Variants in LINGO2 observed in about 807,000 individuals in gnomAD.
The protein encoded by LINGO2 is leucine-rich repeat and immunoglobulin-like domain-containing nogo receptor-interacting protein 2.
In LINGO2, 14 loss-of-function variants were observed where a neutral mutation model predicts 30.6. That is an observed-to-expected ratio of 0.46 (90% confidence interval 0.30 to 0.72). The LOEUF (loss-of-function observed/expected upper bound fraction) is 0.72. Ranked by LOEUF, LINGO2 falls within the 30% of genes least tolerant of loss-of-function variation. The pLI, the probability that LINGO2 is intolerant of heterozygous loss-of-function variation, is 0.07. For synonymous variants in LINGO2, 317 were observed against 288.5 expected (o/e 1.10, Z -1.00); for missense variants, 729 against 751.7 (o/e 0.97, Z 0.35).
chr9:29,131,994 C>T, the LINGO2 span, among the ~76,000 whole-genome samples: 36,737 of 151,042 alleles, frequency 0.24, 4,654 homozygotes, highest in East Asian at 0.44. Context: ...CCATCAAGCT[C>T]CAGATGATCA....
chr9:28,815,554 C>T, the LINGO2 span, among the ~76,000 whole-genome samples: 8 of 152,104 alleles, frequency 5.3e-5, no homozygotes, highest in East Asian at 9.7e-4. Context: ...CTCACCAAGG[C>T]TAACACTCAC....
the LINGO2 span, among the ~76,000 whole-genome samples, chr9:29,029,786 G>A: frequency 1.3e-5 from 2 of 151,884 alleles, no homozygotes; most frequent in African/African-American, 2.4e-5. Flanking sequence ...CTCTCTTTTC[G>A]AGCAAGTTTC....
intron 4 of LINGO2, among the ~76,000 whole-genome samples, chr9:28,186,440 T>G (rs1356900064): frequency 3.9e-5 from 6 of 152,166 alleles, no homozygotes. Flanking sequence ...GCCAGAGGAT[T>G]CAGCAGTGAA....
chr9:29,171,423 C>T, the LINGO2 span, among the ~76,000 whole-genome samples: 18 of 152,030 alleles, frequency 1.2e-4, no homozygotes, highest in South Asian at 6.2e-4. Flanking sequence ...AGAAACTTCC[C>T]GTATAGCCAC....
At chr9:28,810,363 G>A in the LINGO2 span, among the ~76,000 whole-genome samples, 3 of 152,126 alleles carry the variant, frequency 2.0e-5, no homozygotes, top group Admixed American at 2.0e-4. Context: ...TTTTTAAAAT[G>A]ATGAAGTATC....
At chr9:28,802,336 G>A in the LINGO2 span, among the ~76,000 whole-genome samples, 1 of 151,918 alleles carries the variant, frequency 6.6e-6, no homozygotes, top group East Asian at 1.9e-4. Flanking sequence ...AAAAGTTAGG[G>A]ATAGATTTTT....
At chr9:29,123,987 A>T in the LINGO2 span, among the ~76,000 whole-genome samples, 2 of 152,182 alleles carry the variant, frequency 1.3e-5, no homozygotes, top group Non-Finnish European at 2.9e-5. Flanking sequence ...AGCTGGAGGC[A>T]TCATTCTACC....
intron 3 of LINGO2, among the ~76,000 whole-genome samples, chr9:28,327,012 G>A (rs1225693383): frequency 6.6e-6 from 1 of 152,106 alleles, no homozygotes; most frequent in Non-Finnish European, 1.5e-5. Context: ...CTTCAATGTG[G>A]TGGCATTAAG....
the LINGO2 span, among the ~76,000 whole-genome samples, chr9:28,960,921 A>C: frequency 6.6e-6 from 1 of 152,146 alleles, no homozygotes; most frequent in African/African-American, 2.4e-5. Flanking sequence ...ATATTGAATT[A>C]TTTAATATTC....
In LINGO2 at chr9:27,949,747, G is replaced by T. The variant is rs533601561; in HGVS notation, c.925C>A (p.Leu309Ile). The change falls in exon 6 of 6, where the codon CTT becomes ATT. Residue 309 changes from leucine to isoleucine, a missense_variant. Leu to Ile is a conservative substitution (Grantham distance 5). Transcript: ENST00000379992. ...AAGGAGTGAGGCTCAATGGTGCGAAGCTGGGCCCCCACTATATGAAGCTCC... is the reference window on the plus strand; with the variant it reads ...AAGGAGTGAGGCTCAATGGTGCGAATCTGGGCCCCCACTATATGAAGCTCC... 5 of 1,614,058 alleles carry T rather than the reference G, an allele frequency of 3.1e-6. No individual in the cohort carries two copies. The Admixed American group carries it at 6.7e-5, about 22-fold the overall frequency.
At chr9:28,297,215 A>C (rs1587412587) in intron 3 of LINGO2, among the ~76,000 whole-genome samples, 1 of 152,334 alleles carries the variant, frequency 6.6e-6, no homozygotes, top group East Asian at 1.9e-4. Context: ...AGTGAAAATA[A>C]GTCAGTATAA....
the LINGO2 span, among the ~76,000 whole-genome samples, chr9:29,143,998 T>C: frequency 6.6e-6 from 1 of 152,196 alleles, no homozygotes; most frequent in East Asian, 1.9e-4. Context: ...GCTATCCAGT[T>C]ATCCCAGCAC....
At chr9:28,518,624 C>G (rs893698187) in intron 1 of LINGO2, among the ~76,000 whole-genome samples, 1 of 152,194 alleles carries the variant, frequency 6.6e-6, no homozygotes. Context: ...GAATTCTGCA[C>G]AGACGGGCCT....
chr9:27,939,718 G>A, the LINGO2 span: 1 of 152,210 alleles, frequency 6.6e-6, no homozygotes, highest in Non-Finnish European at 1.5e-5. Context: ...TGTACATCCA[G>A]CTAATAGCCC....
the LINGO2 span, among the ~76,000 whole-genome samples, chr9:28,747,364 C>T: frequency 6.6e-6 from 1 of 152,030 alleles, no homozygotes; most frequent in Non-Finnish European, 1.5e-5. Flanking sequence ...AAGCCACCTC[C>T]ACCACTCAAT....
intron 4 of LINGO2, among the ~76,000 whole-genome samples, chr9:28,027,547 G>T (rs79472128): frequency 6.6e-6 from 1 of 152,106 alleles, no homozygotes; most frequent in Non-Finnish European, 1.5e-5. Context: ...CATGTAAGGT[G>T]CAAGTCTGTC....
At position 28,050,279 on chromosome 9, in the gene LINGO2, C is replaced by T. The variant is rs137977294; in HGVS notation, c.-86-37874G>A. On this transcript the variant is annotated intron_variant, in intron 4 of 5. Coordinates refer to ENST00000379992, the Ensembl canonical transcript of LINGO2. ...TACAAAAATGAGTAAGACATACTTCCTGTCTGTAAGGAACTCACATGCTGG... is the reference window on the plus strand; with the variant it reads ...TACAAAAATGAGTAAGACATACTTCTTGTCTGTAAGGAACTCACATGCTGG... Among the ~76,000 whole-genome samples, 408 of 150,826 alleles carry T rather than the reference C, an allele frequency of 2.7e-3. 6 individuals are homozygous for T. Among genetic ancestry groups the T allele is most frequent in the Non-Finnish European group, 4.4e-3 (300 of 67,842 alleles).
the LINGO2 span, among the ~76,000 whole-genome samples, chr9:28,699,338 C>T: frequency 1.3e-5 from 2 of 152,010 alleles, no homozygotes; most frequent in Non-Finnish European, 2.9e-5. Flanking sequence ...GGCAGAGGAA[C>T]ATAAATTGTG....
the LINGO2 span, among the ~76,000 whole-genome samples, chr9:28,967,563 T>G: frequency 9.2e-5 from 14 of 152,154 alleles, no homozygotes; most frequent in Non-Finnish European, 5.9e-5. Flanking sequence ...GGGATGATCA[T>G]GTTATTACTG....
Sources: gnomAD v4.1 joint callset for allele counts (sites outside exome capture counted in the v4.1 genomes callset) on GRCh38, gnomAD v4.1.1 for gene constraint, MANE v1.5 for transcripts, NCBI Gene and HGNC (gene_info 2026-07-23, HGNC 2026-07-21) for gene names.